NECAB3: variants seen among roughly 807,000 people sequenced by gnomAD.
The protein encoded by NECAB3 is N-terminal EF-hand calcium binding protein 3.
A neutral mutation model predicts 57.2 loss-of-function variants in NECAB3; 38 were observed. The observed-to-expected ratio is 0.66, with a 90% CI of 0.51 to 0.87. The LOEUF (loss-of-function observed/expected upper bound fraction) is 0.87, where lower values mean the gene tolerates loss of function less well. Ranked by LOEUF, NECAB3 falls within the 40% of genes least tolerant of loss-of-function variation. The pLI, the probability that NECAB3 is intolerant of heterozygous loss-of-function variation, is 0.00. For synonymous variants in NECAB3, 223 were observed against 222.6 expected (o/e 1.00, Z -0.02); for missense variants, 474 against 527.5 (o/e 0.90, Z 0.99).
In NECAB3 at chr20:33,660,141, C is replaced by T. The variant is rs146686942; in HGVS notation, c.524+118G>A. ...ATTTCACCCCGCCATGGCTACCCTG[C>T]CATGGCTTCCCCGCCCGAAAATGCA... is the stretch of plus-strand genomic sequence containing the variant. On this transcript the variant is annotated intron_variant, in intron 6 of 11. Coordinates refer to ENST00000246190, the MANE Select transcript of NECAB3 (RefSeq NM_031232.4). This position sits in a 1 kb window ranked among gnomAD's most constrained non-coding sequence, Gnocchi z 4.1. The T allele has an allele frequency of 3.0e-4, 465 of 1,530,674 alleles. 1 individual carries two copies. The African/African-American group carries it at 5.3e-3, about 17-fold the overall frequency. The allele number at this position is 1,530,674 out of a possible 1,614,324, so 94.8% of individuals were successfully genotyped here. A position where few individuals can be genotyped will look rare whatever the true frequency, so the allele number is the denominator to read the frequency against.
At chr20:33,668,325 G>T in intron 5 of NECAB3, 1 of 1,508,766 alleles carries the variant, frequency 6.6e-7, no homozygotes, top group Non-Finnish European at 8.9e-7. Context: ...GGTCCTCCTG[G>T]AGGTTGGAGC....
Position 33,660,030 on chromosome 20 carries a change from G to A in NECAB3, c.525-27C>T, listed in dbSNP as rs754624270. The A allele has an allele frequency of 1.7e-5, 27 of 1,564,700 alleles. No homozygotes were observed. Among genetic ancestry groups the A allele is most frequent in the African/African-American group, 4.0e-5 (3 of 74,302 alleles). On this transcript the variant is annotated intron_variant, in intron 6 of 11. Coordinates refer to ENST00000246190, the MANE Select transcript of NECAB3 (RefSeq NM_031232.4). This position sits in a 1 kb window ranked among gnomAD's most constrained non-coding sequence, Gnocchi z 4.1. ...TAGAGGAAGTGAGGCTCACAGGGCC[G>A]AGGACTGGGGCCCCAGGACGGGATA...
Position 33,660,952 on chromosome 20 carries a change from G to A in NECAB3, c.388-557C>T, listed in dbSNP as rs2122467345. Among the ~76,000 whole-genome samples, 1 of 152,242 alleles carries A rather than the reference G, an allele frequency of 6.6e-6. No individual in the cohort carries two copies. The highest frequency in any genetic ancestry group is 1.5e-5 in the Non-Finnish European group (1 of 67,994). On this transcript the variant is annotated intron_variant, in intron 5 of 11. Transcript: ENST00000246190. This position sits in a 1 kb window ranked among gnomAD's most constrained non-coding sequence, Gnocchi z 4.1. ...GCCGGCACTGACCCCAACCGACACT[G>A]CCAGCCTCCTCCCAGCCCCTCTCAG...
intron 2 of NECAB3, 128 bp from the exon 3 acceptor site, chr20:33,670,920 G>A (rs1290629805): frequency 7.8e-6 from 5 of 643,006 alleles, no homozygotes; most frequent in South Asian, 3.8e-5. Context: ...TGAGATGGGA[G>A]TCTGAGGTCA....
chr20:33,663,397 ACGAGAGGATGACAGGACC>A, intron 5 of NECAB3: 1 of 949,658 alleles, frequency 1.1e-6, no homozygotes. Context: ...AGCCCTGTGC[ACGAGAGGATGACAGGACC>A]CGGGTGGACG....
chr20:33,674,500 T>G, upstream of NECAB3: 1 of 726,240 alleles, frequency 1.4e-6, no homozygotes, highest in Non-Finnish European at 1.7e-6. Context: ...GGACGCCGGG[T>G]TCCCTCGCCT....
chr20:33,662,580 T>C (rs1568895101), intron 5 of NECAB3: 1 of 1,263,572 alleles, frequency 7.9e-7, no homozygotes, highest in Admixed American at 2.5e-5. Context: ...TATGCAGAAG[T>C]CCTAGGGGGT....
rs568200681 is a variant in NECAB3 at position 33,658,864 on chromosome 20, G to A, written c.880-30C>T. On this transcript the variant is annotated intron_variant, in intron 8 of 11. Transcript: ENST00000246190. ...TGGGAGAGGCAGCCGGTCAGCTGGTGCGGGGCCGGGCACAGGGGAGGGACT... is the reference window on the plus strand; with the variant it reads ...TGGGAGAGGCAGCCGGTCAGCTGGTACGGGGCCGGGCACAGGGGAGGGACT... 4.5e-6 allele frequency: 7 copies of A among 1,542,870 alleles called. No homozygotes were observed. In the Admixed American group the frequency reaches 1.2e-4, roughly 26 times the overall value.
chr20:33,673,691 C>A (rs560250396), intron 1 of NECAB3, among the ~76,000 whole-genome samples: 1 of 152,050 alleles, frequency 6.6e-6, no homozygotes, highest in African/African-American at 2.4e-5. Context: ...AGGACAGAGC[C>A]GAGCACAGCG....
chr20:33,664,430 C>T, intron 5 of NECAB3: 1 of 169,752 alleles, frequency 5.9e-6, no homozygotes. Flanking sequence ...CTCACTCCTA[C>T]ACATTGTGCT....
chr20:33,669,020 C>G (rs113408255), intron 5 of NECAB3: 4 of 284,460 alleles, frequency 1.4e-5, no homozygotes, highest in African/African-American at 8.9e-5. Flanking sequence ...TGAATGATAT[C>G]CCACCACAGT....
chr20:33,667,702 C>T (rs753730595), intron 5 of NECAB3: 2 of 1,612,132 alleles, frequency 1.2e-6, no homozygotes, highest in Admixed American at 3.3e-5. Context: ...TGACCTCTTG[C>T]AGCAGGCCCT....
In NECAB3 at chr20:33,670,874, A is replaced by C. The variant is rs1461916225; in HGVS notation, c.155-82T>G. 3 of 974,776 alleles carry C rather than the reference A, an allele frequency of 3.1e-6. No individual in the cohort carries two copies. In the African/African-American group the frequency reaches 4.9e-5, roughly 16 times the overall value. The allele number at this position is 974,776 out of a possible 1,614,324, so 60.4% of individuals were successfully genotyped here. On this transcript the variant is annotated intron_variant, in intron 2 of 11. Transcript: ENST00000246190. ...CCCCTGCCACCAGGTCCAGGGTCCC[A>C]AAGGCCTCATAGCATCTGACAACCA...
intron 5 of NECAB3, chr20:33,668,007 A>G (rs1568900650): frequency 6.5e-7 from 1 of 1,543,708 alleles, no homozygotes; most frequent in Admixed American, 2.0e-5. Flanking sequence ...GCGGCTCCAC[A>G]CTGTTTCCTG....
chr20:33,657,970 C>T lies in NECAB3; in HGVS notation c.1134G>A (p.Pro378=), dbSNP rs201110040. 51 of 1,557,562 alleles carry T rather than the reference C, an allele frequency of 3.3e-5. No individual in the cohort carries two copies. Among genetic ancestry groups the T allele is most frequent in the Non-Finnish European group, 3.8e-5 (44 of 1,150,462 alleles). Residue 378 remains proline (P), a synonymous_variant, in exon 11 of 12, where the codon CCG becomes CCA. Transcript: ENST00000246190. ...GGAAGAACACAGTGGTGAGGGTGTC[C>T]GGGGCCCGCAGGTGGTCGATGAGGA... ...QRILIDHLRA[P]DTLTTVFFPA... is the part of the protein sequence containing the mutation.
At position 33,672,494 on chromosome 20, in the gene NECAB3, C is replaced by G. The variant is rs952015560; in HGVS notation, c.130-72G>C. 3.8e-6 allele frequency: 6 copies of G among 1,590,088 alleles called. No individual in the cohort carries two copies. The East Asian group carries it at 8.9e-5, about 24-fold the overall frequency. ...AGCCAGAGGCCCCCACTCAACCCGA[C>G]AGGGTCCCAGCTGGCCGACCTACCC... On this transcript the variant is annotated intron_variant, in intron 1 of 11. Transcript: ENST00000246190.
At chr20:33,672,690 T>C (rs1258041126) in intron 1 of NECAB3, among the ~76,000 whole-genome samples, 1 of 152,118 alleles carries the variant, frequency 6.6e-6, no homozygotes, top group Non-Finnish European at 1.5e-5. Flanking sequence ...GCCAGTCCCC[T>C]GCGTCCCCAC....
chr20:33,660,046 G>T lies in NECAB3; in HGVS notation c.525-43C>A. On this transcript the variant is annotated intron_variant, in intron 6 of 11. Transcript: ENST00000246190. This position sits in a 1 kb window ranked among gnomAD's most constrained non-coding sequence, Gnocchi z 4.1. ...CACAGGGCCGAGGACTGGGGCCCCA[G>T]GACGGGATAAGCCTGGGTGGGGAAG... 1 of 1,557,298 alleles carries T rather than the reference G, an allele frequency of 6.4e-7. No individual in the cohort carries two copies.
chr20:33,667,191 C>T (rs577815686), intron 5 of NECAB3: 16 of 291,002 alleles, frequency 5.5e-5, no homozygotes, highest in African/African-American at 2.8e-4. Context: ...GCTTCGCGGG[C>T]GAGAACCAGC....
Sources: gnomAD v4.1 joint callset for allele counts (sites outside exome capture counted in the v4.1 genomes callset) on GRCh38, gnomAD v4.1.1 for gene constraint, Gnocchi (gnomAD v3.1) non-coding constraint, MANE v1.5 for transcripts, NCBI Gene and HGNC (gene_info 2026-07-23, HGNC 2026-07-21) for gene names.